ELAVL4: variants seen among roughly 807,000 people sequenced by gnomAD.
ELAVL4 encodes ELAV-like protein 4.
Under a neutral mutation model 35.6 loss-of-function variants are expected in ELAVL4, and 1 was observed. That is an observed-to-expected ratio of 0.03 (90% CI 0.01 to 0.13). ELAVL4 has a LOEUF of 0.13. Ranked by LOEUF, ELAVL4 falls within the 10% of genes least tolerant of loss-of-function variation. The pLI is 1.00. For synonymous variants in ELAVL4, 156 were observed against 171.0 expected, an observed-to-expected ratio of 0.91 and a Z score of 0.69; for missense variants, 267 against 464.9, an observed-to-expected ratio of 0.57 and a Z score of 3.91.
chr1:50,151,414 G>T (rs536641501), intron 2 of ELAVL4, among the ~76,000 whole-genome samples: 2 of 152,244 alleles, frequency 1.3e-5, no homozygotes, highest in South Asian at 4.1e-4. Context: ...ACTTGGAGTG[G>T]TTTTTTCACT....
chr1:50,114,562 A>G (rs182027352), intron 1 of ELAVL4, among the ~76,000 whole-genome samples: 3 of 152,260 alleles, frequency 2.0e-5, no homozygotes, highest in Admixed American at 2.0e-4. Context: ...CTGGAAGACA[A>G]GAGTGTAGAA....
intron 1 of ELAVL4, among the ~76,000 whole-genome samples, chr1:50,078,400 T>A (rs1272234679): frequency 6.6e-6 from 1 of 152,152 alleles, no homozygotes; most frequent in Non-Finnish European, 1.5e-5. Context: ...AAAACTCATT[T>A]TTTTTTTACC....
Position 50,187,131 on chromosome 1 carries a change from G to A in ELAVL4, c.355-6634G>A, listed in dbSNP as rs925845732. ...CTCCCCAGGGACTTGTCTGCTCTGGGGAGTTTGTATGCACTCAGAGAAAAG... is the reference window on the plus strand; with the variant it reads ...CTCCCCAGGGACTTGTCTGCTCTGGAGAGTTTGTATGCACTCAGAGAAAAG... On this transcript the variant is annotated intron_variant, in intron 3 of 6. Transcript: ENST00000371824. 4.6e-5 allele frequency among the ~76,000 whole-genome samples: 7 copies of A among 152,232 alleles called. No individual in the cohort carries two copies. The East Asian group carries it at 9.7e-4, about 21-fold the overall frequency.
chr1:50,073,102 C>T (rs755441208), intron 1 of ELAVL4, among the ~76,000 whole-genome samples: 4 of 152,200 alleles, frequency 2.6e-5, no homozygotes, highest in Non-Finnish European at 4.4e-5. Context: ...TAGAAGCTGT[C>T]TTCACCTGTG....
At chr1:50,128,276 C>A (rs1670279775) in intron 1 of ELAVL4, among the ~76,000 whole-genome samples, 1 of 152,040 alleles carries the variant, frequency 6.6e-6, no homozygotes, top group African/African-American at 2.4e-5. Flanking sequence ...AGTGAGACAA[C>A]AATGATGAGG....
At chr1:50,079,761 A>ACTTAAGGTTT (rs1398486161) in intron 1 of ELAVL4, among the ~76,000 whole-genome samples, 4 of 152,216 alleles carry the variant, frequency 2.6e-5, no homozygotes, top group Non-Finnish European at 5.9e-5. Context: ...AAGGTGTTAA[A>ACTTAAGGTTT]CTTAAGGTTT....
At chr1:50,076,427 C>T (rs574904497) in intron 1 of ELAVL4, among the ~76,000 whole-genome samples, 3 of 152,262 alleles carry the variant, frequency 2.0e-5, no homozygotes, top group African/African-American at 7.2e-5. Context: ...TTGTTGATCT[C>T]TTACTGTGCT....
At chr1:50,166,991 G>A (rs770446226) in intron 2 of ELAVL4, among the ~76,000 whole-genome samples, 3 of 152,132 alleles carry the variant, frequency 2.0e-5, no homozygotes, top group African/African-American at 7.2e-5. Flanking sequence ...GCAGGAACAG[G>A]AACAAAAATT....
At chr1:50,105,343 C>T (rs1335027993), upstream of ELAVL4, among the ~76,000 whole-genome samples, 1 of 152,134 alleles carries the variant, frequency 6.6e-6, no homozygotes, top group Non-Finnish European at 1.5e-5. Context: ...CCTTGTTCAT[C>T]CTTTGCTGAA....
At chr1:50,131,583 A>C (rs1670860480) in intron 1 of ELAVL4, among the ~76,000 whole-genome samples, 1 of 152,058 alleles carries the variant, frequency 6.6e-6, no homozygotes. Context: ...AGGTCAAGAC[A>C]TTGAGACCAT....
chr1:50,100,718 G>T (rs1665933583), upstream of ELAVL4, among the ~76,000 whole-genome samples: 1 of 152,168 alleles, frequency 6.6e-6, no homozygotes, highest in Non-Finnish European at 1.5e-5. Context: ...TCTTTTTATT[G>T]TTCACACCAA....
intron 1 of ELAVL4, among the ~76,000 whole-genome samples, chr1:50,134,091 T>G (rs1671495678): frequency 6.6e-6 from 1 of 152,188 alleles, no homozygotes; most frequent in African/African-American, 2.4e-5. Context: ...TATTTCTATG[T>G]AGATTTCTGA....
At position 50,109,015 on chromosome 1, in the gene ELAVL4, T is replaced by TCGGGGCGG; in HGVS notation, c.-174_-173insGGGGCGGC. The TCGGGGCGG allele has an allele frequency of 3.1e-6, 3 of 961,050 alleles. No individual in the cohort carries two copies. The highest frequency in any genetic ancestry group is 3.7e-6 in the Non-Finnish European group (3 of 816,932). The allele number at this position is 961,050 out of a possible 1,614,324, so 59.5% of individuals were successfully genotyped here. On this transcript the variant is annotated 5_prime_UTR_variant, in exon 1 of 7. Coordinates refer to ENST00000371824, the MANE Select transcript of ELAVL4 (RefSeq NM_001144774.3). ...GCTCCTTTTCTTTTTTTTCTTTCTC[T>TCGGGGCGG]CCCCCGCCCACCCCCCCAAAAATAA...
At chr1:50,191,909 C>A (rs1682717887) in intron 3 of ELAVL4, among the ~76,000 whole-genome samples, 1 of 152,184 alleles carries the variant, frequency 6.6e-6, no homozygotes. Flanking sequence ...ACCCTCATTG[C>A]CATGGGCATA....
At chr1:50,176,183 G>C (rs922843736) in intron 2 of ELAVL4, among the ~76,000 whole-genome samples, 1 of 152,108 alleles carries the variant, frequency 6.6e-6, no homozygotes, top group South Asian at 2.1e-4. Flanking sequence ...ACCTCTCTTT[G>C]CAGACAAGTT....
intron 3 of ELAVL4, among the ~76,000 whole-genome samples, chr1:50,178,279 T>C (rs761810845): frequency 2.6e-5 from 4 of 152,180 alleles, no homozygotes; most frequent in Admixed American, 6.5e-5. Flanking sequence ...TGGAAATCTA[T>C]AGATGGCACC....
chr1:50,054,759 T>A (rs1338553558), intron 1 of ELAVL4, among the ~76,000 whole-genome samples: 1 of 152,244 alleles, frequency 6.6e-6, no homozygotes, highest in Non-Finnish European at 1.5e-5. Context: ...GATGTTACTC[T>A]CTACCCTTTT....
chr1:50,180,236 AAT>A (rs1338298844), intron 3 of ELAVL4: 1 of 151,984 alleles, frequency 6.6e-6, no homozygotes, highest in Non-Finnish European at 1.5e-5. Context: ...GAGCATCCCA[AAT>A]TGGAAAATCT....
intron 2 of ELAVL4, among the ~76,000 whole-genome samples, chr1:50,170,149 A>C (rs911880653): frequency 3.9e-5 from 6 of 152,228 alleles, no homozygotes; most frequent in African/African-American, 1.4e-4. Flanking sequence ...CCACAGTGTC[A>C]GACAGTATCT....
Sources: gnomAD v4.1 joint callset for allele counts (sites outside exome capture counted in the v4.1 genomes callset) on GRCh38, gnomAD v4.1.1 for gene constraint, MANE v1.5 for transcripts, NCBI Gene and HGNC (gene_info 2026-07-23, HGNC 2026-07-21) for gene names.